RPGRIP1L: variants seen among roughly 807,000 people sequenced by gnomAD.
RPGRIP1L encodes the protein RPGRIP1 like.
RPGRIP1L carries 131 observed loss-of-function variants against 160.4 expected under a neutral mutation model. The ratio of observed to expected loss-of-function variants is 0.82; its 90% CI spans 0.71 to 0.94. The LOEUF (loss-of-function observed/expected upper bound fraction) is 0.94. Among genes scored for constraint, RPGRIP1L ranks in the 40% least tolerant of loss-of-function variants. The probability of loss-of-function intolerance (pLI) is 0.00; values close to 1 mark genes in which losing one functional copy is unlikely to be tolerated. For missense variants in RPGRIP1L, 1,522 were observed against 1,535.8 expected, an observed-to-expected ratio of 0.99 and a Z score of 0.15; for synonymous variants, 510 against 515.8, an observed-to-expected ratio of 0.99 and a Z score of 0.15.
intron 2 of RPGRIP1L, among the ~76,000 whole-genome samples, chr16:53,699,128 C>G (rs1398366962): frequency 6.6e-6 from 1 of 152,082 alleles, no homozygotes; most frequent in East Asian, 1.9e-4. Context: ...GCTGTGTCCA[C>G]TCAGGGTTAA....
intron 16 of RPGRIP1L, among the ~76,000 whole-genome samples, chr16:53,647,380 G>T (rs1429964241): frequency 6.6e-6 from 1 of 152,216 alleles, no homozygotes; most frequent in Admixed American, 6.5e-5. Context: ...CTAGAAACCA[G>T]CAGAATGTCC....
chr16:53,657,626 T>C lies in RPGRIP1L; in HGVS notation c.1408A>G (p.Lys470Glu). The C allele has an allele frequency of 6.4e-7, 1 of 1,566,250 alleles. No homozygotes were observed. Among genetic ancestry groups the C allele is most frequent in the Non-Finnish European group, 8.7e-7 (1 of 1,148,474 alleles). The part of the protein sequence containing the change: ...SEALLLIKAQ[K>E]EQKNGDLSFL... Reference sequence around the variant, plus strand: ...GAAAGGTCTCCATTTTTTTGTTCTTTTTGAGCCTAAAATAAAAAACATGTT... The same window carrying C: ...GAAAGGTCTCCATTTTTTTGTTCTTCTTGAGCCTAAAATAAAAAACATGTT... Residue 470 changes from lysine (K) to glutamate (E), a missense_variant, in exon 13 of 27, where the codon AAA (lysine) becomes GAA (glutamate). Coordinates refer to ENST00000647211, the MANE Select transcript of RPGRIP1L (RefSeq NM_015272.5).
intron 1 of RPGRIP1L, chr16:53,703,385 G>A (rs1235365570): frequency 1.3e-5 from 2 of 152,216 alleles, no homozygotes; most frequent in Non-Finnish European, 2.9e-5. Flanking sequence ...AAGTTATGGA[G>A]GTAATCACAT....
At chr16:53,625,481 G>C (rs1245842448) in intron 22 of RPGRIP1L, among the ~76,000 whole-genome samples, 1 of 147,168 alleles carries the variant, frequency 6.8e-6, no homozygotes, top group African/African-American at 2.5e-5. Context: ...GGGCTGGGGG[G>C]GGCGCGCCTC....
intron 15 of RPGRIP1L, among the ~76,000 whole-genome samples, chr16:53,650,572 C>CCAAA (rs111711321): frequency 3.3e-5 from 5 of 152,070 alleles, no homozygotes; most frequent in African/African-American, 9.6e-5. Flanking sequence ...AAAAAACACC[C>CCAAA]CAAACAAACA....
At chr16:53,602,319 G>C (rs761876034) in intron 26 of RPGRIP1L, 131 bp from the exon 27 acceptor site, 8 of 701,504 alleles carry the variant, frequency 1.1e-5, no homozygotes, top group Non-Finnish European at 1.8e-5. Flanking sequence ...TGGCATCTTG[G>C]GTATCTAAAG....
Position 53,602,193 on chromosome 16 carries a change from G to A in RPGRIP1L, c.3836-5C>T, listed in dbSNP as rs1442171704. ...CATCTGCTCGTGCATCAAAAACTAG[G>A]GAGAAAAGAGCAGGAAAGTGTTAAT... On this transcript the variant is annotated splice_polypyrimidine_tract_variant and splice_region_variant and intron_variant, in intron 26 of 26. Transcript: ENST00000647211. 15 of 1,593,938 alleles carry A rather than the reference G, an allele frequency of 9.4e-6. No individual in the cohort carries two copies. The highest frequency in any genetic ancestry group is 1.2e-5 in the Non-Finnish European group (14 of 1,162,028).
In RPGRIP1L at chr16:53,641,015, T is replaced by G; in HGVS notation, c.2958+18A>C. On this transcript the variant is annotated intron_variant, in intron 19 of 26. Coordinates refer to ENST00000647211, the MANE Select transcript of RPGRIP1L (RefSeq NM_015272.5). ...ATTTGTTATGAAAAAATCAGTATTTTCAGTGTCTACTACTTACATCACTCT... is the reference window on the plus strand; with the variant it reads ...ATTTGTTATGAAAAAATCAGTATTTGCAGTGTCTACTACTTACATCACTCT... 6.5e-7 allele frequency: 1 copy of G among 1,545,750 alleles called. No homozygotes were observed.
chr16:53,697,323 CTCTCCCTCTCCCTCTCCCCACGG>C (rs1022709981), intron 2 of RPGRIP1L, among the ~76,000 whole-genome samples: 3 of 151,556 alleles, frequency 2.0e-5, no homozygotes, highest in African/African-American at 7.3e-5. Context: ...CTCCCTCTCC[CTCTCCCTCTCCCTCTCCCCACGG>C]TCTCCCTCTC....
intron 2 of RPGRIP1L, among the ~76,000 whole-genome samples, chr16:53,699,804 C>T (rs1038623241): frequency 8.0e-6 from 1 of 124,988 alleles, no homozygotes; most frequent in Non-Finnish European, 1.5e-5. Context: ...GGCGACAGAG[C>T]GAGACTTCGT....
intron 17 of RPGRIP1L, among the ~76,000 whole-genome samples, chr16:53,642,693 C>T (rs947457546): frequency 8.5e-5 from 13 of 152,262 alleles, no homozygotes; most frequent in Admixed American, 6.5e-5. Context: ...TCAGTAAGAA[C>T]AGTAGGAATC....
intron 6 of RPGRIP1L, among the ~76,000 whole-genome samples, chr16:53,680,618 A>G (rs1969531809): frequency 1.3e-5 from 2 of 152,142 alleles, no homozygotes; most frequent in Admixed American, 1.3e-4. Context: ...GGAAATTTGG[A>G]TATGGACTGT....
chr16:53,648,270 C>G (rs528899436), intron 16 of RPGRIP1L, among the ~76,000 whole-genome samples: 1 of 151,932 alleles, frequency 6.6e-6, no homozygotes, highest in South Asian at 2.1e-4. Context: ...GAAATGCCAC[C>G]CTGAGGAATT....
chr16:53,621,430 A>ATTT (rs10710732), intron 23 of RPGRIP1L, among the ~76,000 whole-genome samples: 98 of 135,070 alleles, frequency 7.3e-4, no homozygotes, highest in South Asian at 7.1e-3. Context: ...TTTCTGGTCA[A>ATTT]TTTTTTTTTT....
chr16:53,703,830 C>G lies in RPGRIP1L; in HGVS notation c.-35G>C. 1 of 444,616 alleles carries G rather than the reference C, an allele frequency of 2.2e-6. No individual in the cohort carries two copies. Among genetic ancestry groups the G allele is most frequent in the Non-Finnish European group, 4.2e-6 (1 of 239,052 alleles). 27.5% of individuals were successfully genotyped at this position (444,616 alleles called of 1,614,324 possible). ...TGCCACTGGCCCTGCAGCTAGCTAC[C>G]GTTGCTATAGCGCCGACAGCGTGGC... On this transcript the variant is annotated 5_prime_UTR_variant, in exon 1 of 27. Transcript: ENST00000647211.
intron 6 of RPGRIP1L, among the ~76,000 whole-genome samples, chr16:53,680,554 A>T (rs1453279409): frequency 6.6e-6 from 1 of 152,102 alleles, no homozygotes; most frequent in Non-Finnish European, 1.5e-5. Flanking sequence ...AAATAAAACA[A>T]CAACAGCTAT....
At chr16:53,619,589 C>G (rs1302346834) in intron 23 of RPGRIP1L, among the ~76,000 whole-genome samples, 6 of 152,178 alleles carry the variant, frequency 3.9e-5, no homozygotes, top group Non-Finnish European at 8.8e-5. Context: ...ACTGCCTTTA[C>G]TTAATCTACA....
chr16:53,651,533 G>A (rs1214186776), intron 15 of RPGRIP1L, among the ~76,000 whole-genome samples: 1 of 152,104 alleles, frequency 6.6e-6, no homozygotes, highest in African/African-American at 2.4e-5. Context: ...TTTGCTGCAG[G>A]CACTGGGCTT....
rs774573573 is a variant in RPGRIP1L at position 53,649,022 on chromosome 16, C to T, written c.2246G>A (p.Arg749Lys). 6.2e-7 allele frequency: 1 copy of T among 1,614,024 alleles called. No individual in the cohort carries two copies. The highest frequency in any genetic ancestry group is 2.2e-5 in the East Asian group (1 of 44,868). The change falls in exon 16 of 27, where the codon AGG becomes AAG. Residue 749 changes from arginine (R) to lysine (K), a missense_variant. Arg to Lys is a conservative substitution (Grantham distance 26, BLOSUM62 2). Transcript: ENST00000647211. ...MDQAIRLYRE[R>K]AKALGYITSN... is the part of the protein sequence containing the mutation. ...TGTTATATACCCCAAAGCCTTTGCC[C>T]TTTCTCGATAAAGTCGAATTGCTTG...
Sources: gnomAD v4.1 joint callset for allele counts (sites outside exome capture counted in the v4.1 genomes callset) on GRCh38, gnomAD v4.1.1 for gene constraint, MANE v1.5 for transcripts, NCBI Gene and HGNC (gene_info 2026-07-23, HGNC 2026-07-21) for gene names.